The following EIPR1 variants were observed in gnomAD, a reference collection of about 807,000 sequenced individuals.
The protein encoded by EIPR1 is EARP and GARP complex-interacting protein 1.
In EIPR1, 25 loss-of-function variants were observed where a neutral mutation model predicts 48.1. The ratio of observed to expected loss-of-function variants is 0.52; its 90% CI spans 0.38 to 0.73. EIPR1 has a LOEUF of 0.73. Ranked by LOEUF, EIPR1 falls within the 30% of genes least tolerant of loss-of-function variation. The probability of loss-of-function intolerance (pLI) is 0.00; values close to 1 mark genes in which losing one functional copy is unlikely to be tolerated. For missense variants in EIPR1, 415 were observed against 506.2 expected (o/e 0.82, Z 1.73); for synonymous variants, 204 against 201.9 (o/e 1.01, Z -0.09).
At chr2:3,342,029 C>T (rs566037393) in intron 2 of EIPR1, among the ~76,000 whole-genome samples, 3 of 151,858 alleles carry the variant, frequency 2.0e-5, no homozygotes, top group African/African-American at 4.8e-5. Context: ...AGAATTGATC[C>T]GGATTATAAC....
intron 3 of EIPR1, among the ~76,000 whole-genome samples, chr2:3,324,908 G>A (rs886593493): frequency 5.3e-5 from 8 of 152,216 alleles, no homozygotes; most frequent in Non-Finnish European, 1.0e-4. Flanking sequence ...ACGCCTCACA[G>A]GAGCTGTAAC....
At chr2:3,365,881 T>C (rs1277736145) in intron 1 of EIPR1, among the ~76,000 whole-genome samples, 1 of 152,146 alleles carries the variant, frequency 6.6e-6, no homozygotes, top group Non-Finnish European at 1.5e-5. Flanking sequence ...TACCTCTTTC[T>C]ACACAGACAC....
At chr2:3,268,070 G>A (rs369892407) in intron 3 of EIPR1, among the ~76,000 whole-genome samples, 48 of 152,318 alleles carry the variant, frequency 3.2e-4, no homozygotes, top group African/African-American at 1.1e-3. Flanking sequence ...GTGGTTGTGA[G>A]TGTGTGCAGG....
chr2:3,300,402 G>A (rs548830048), intron 3 of EIPR1, among the ~76,000 whole-genome samples: 7 of 152,030 alleles, frequency 4.6e-5, no homozygotes, highest in East Asian at 3.9e-4. Context: ...TCTCCTTCTC[G>A]TCAGTGCCTC....
intron 5 of EIPR1, among the ~76,000 whole-genome samples, chr2:3,204,828 G>A (rs1412392439): frequency 2.6e-5 from 4 of 152,088 alleles, no homozygotes; most frequent in Non-Finnish European, 2.9e-5. Flanking sequence ...ACAGCACTGC[G>A]CTCACAGCAG....
chr2:3,243,044 G>A (rs1463537608), intron 4 of EIPR1, among the ~76,000 whole-genome samples: 3 of 152,144 alleles, frequency 2.0e-5, no homozygotes, highest in Non-Finnish European at 4.4e-5. Flanking sequence ...TCCTGGGAAC[G>A]CTTTCTGACA....
At chr2:3,221,866 G>A (rs576321052) in intron 4 of EIPR1, among the ~76,000 whole-genome samples, 1 of 152,230 alleles carries the variant, frequency 6.6e-6, no homozygotes, top group African/African-American at 2.4e-5. Flanking sequence ...ATAGAGTCAG[G>A]TGCACATGCA....
chr2:3,363,376 G>A (rs1237266374), intron 1 of EIPR1, among the ~76,000 whole-genome samples: 2 of 152,108 alleles, frequency 1.3e-5, no homozygotes, highest in African/African-American at 4.8e-5. Context: ...ACTTAATGAA[G>A]GAATCATCTT....
chr2:3,258,315 A>G (rs371882379), intron 3 of EIPR1, among the ~76,000 whole-genome samples: 3 of 152,338 alleles, frequency 2.0e-5, no homozygotes, highest in African/African-American at 7.2e-5. Context: ...TTAACATTGA[A>G]TTCTTGAACA....
At chr2:3,265,133 G>GTC (rs1158392311) in intron 3 of EIPR1, among the ~76,000 whole-genome samples, 1 of 18,066 alleles carries the variant, frequency 5.5e-5, no homozygotes, top group South Asian at 3.4e-3. Flanking sequence ...TGAGTTCAAA[G>GTC]TGCCTTAATA....
chr2:3,251,454 G>T (rs1396925022), intron 4 of EIPR1, among the ~76,000 whole-genome samples: 6 of 152,126 alleles, frequency 3.9e-5, no homozygotes. Flanking sequence ...GAACTGGAAA[G>T]AATCCGAGGC....
intron 3 of EIPR1, among the ~76,000 whole-genome samples, chr2:3,326,872 C>G (rs557149264): frequency 6.6e-6 from 1 of 152,362 alleles, no homozygotes; most frequent in East Asian, 1.9e-4. Flanking sequence ...CAGTCTGTCA[C>G]TATGTTCTGA....
intron 4 of EIPR1, among the ~76,000 whole-genome samples, chr2:3,253,039 T>C (rs1401771495): frequency 6.6e-6 from 1 of 152,200 alleles, no homozygotes; most frequent in Non-Finnish European, 1.5e-5. Flanking sequence ...GGCATCAACA[T>C]CGACACAGGC....
chr2:3,333,043 G>A (rs1669944817), intron 3 of EIPR1, among the ~76,000 whole-genome samples: 1 of 152,174 alleles, frequency 6.6e-6, no homozygotes. Context: ...ACTCTTCAAG[G>A]AGACTGCCTG....
At chr2:3,351,918 G>A (rs1670588372) in intron 2 of EIPR1, among the ~76,000 whole-genome samples, 1 of 152,246 alleles carries the variant, frequency 6.6e-6, no homozygotes, top group African/African-American at 2.4e-5. Flanking sequence ...TGAGTAGTGT[G>A]GTGAAGTCTG....
intron 3 of EIPR1, among the ~76,000 whole-genome samples, chr2:3,297,608 G>A (rs960173276): frequency 5.9e-5 from 9 of 152,172 alleles, no homozygotes; most frequent in Admixed American, 4.6e-4. Context: ...TCTGTAAAGG[G>A]CCAGGTCATA....
At chr2:3,192,666 C>G in intron 7 of EIPR1, 85 bp from the exon 8 acceptor site, 1 of 1,425,394 alleles carries the variant, frequency 7.0e-7, no homozygotes. Context: ...GAGGGCCCCA[C>G]TAGGCTGGGG....
chr2:3,311,776 T>C (rs1372668435), intron 3 of EIPR1, among the ~76,000 whole-genome samples: 1 of 119,912 alleles, frequency 8.3e-6, no homozygotes, highest in Non-Finnish European at 1.7e-5. Flanking sequence ...CGCAGGATGC[T>C]GTGGTGGGGG....
intron 1 of EIPR1, among the ~76,000 whole-genome samples, chr2:3,359,487 G>T (rs1044494536): frequency 2.0e-5 from 3 of 152,038 alleles, no homozygotes; most frequent in Non-Finnish European, 2.9e-5. Flanking sequence ...GAAAAGCATT[G>T]CAAATTTGAA....
Sources: allele counts gnomAD v4.1 joint callset (sites outside exome capture counted in the v4.1 genomes callset), GRCh38; gene constraint gnomAD v4.1.1; transcripts MANE v1.5; gene names NCBI Gene and HGNC (gene_info 2026-07-23, HGNC 2026-07-21).